Variants in RNF150 observed in about 807,000 individuals in gnomAD.
RNF150 encodes ring finger protein 150.
Under a neutral mutation model 39.3 loss-of-function variants are expected in RNF150, and 24 were observed. The observed-to-expected ratio is 0.61, with a 90% CI of 0.44 to 0.86. The LOEUF (loss-of-function observed/expected upper bound fraction) is 0.86, where lower values mean the gene tolerates loss of function less well. RNF150 is among the 40% of genes least tolerant of loss of function. RNF150 has a pLI of 0.00. For missense variants in RNF150, 502 were observed against 587.8 expected (o/e 0.85, Z 1.51); for synonymous variants, 255 against 227.3 (o/e 1.12, Z -1.10).
At chr4:141,170,799 A>G (rs1203152203) in intron 1 of RNF150, among the ~76,000 whole-genome samples, 1 of 152,212 alleles carries the variant, frequency 6.6e-6, no homozygotes, top group East Asian at 1.9e-4. Flanking sequence ...GTTCCAGAGA[A>G]TAATTGAACA....
At chr4:140,900,835 T>C (rs976979732) in intron 6 of RNF150, among the ~76,000 whole-genome samples, 3 of 142,162 alleles carry the variant, frequency 2.1e-5, no homozygotes, top group Non-Finnish European at 3.1e-5. Flanking sequence ...TATATATATA[T>C]ACATATCGAT....
At chr4:141,101,698 CAT>C (rs1739017035) in intron 1 of RNF150, among the ~76,000 whole-genome samples, 1 of 152,278 alleles carries the variant, frequency 6.6e-6, no homozygotes, top group South Asian at 2.1e-4. Context: ...ACTACAAACA[CAT>C]GAGTAATGTG....
intron 1 of RNF150, among the ~76,000 whole-genome samples, chr4:141,177,533 G>A (rs75171164): frequency 0.011 from 1,712 of 151,678 alleles, 38 homozygotes; most frequent in African/African-American, 0.038. Flanking sequence ...TTAATATCAA[G>A]CCTGAAACTA....
chr4:141,117,489 A>C (rs1201551274), intron 1 of RNF150, among the ~76,000 whole-genome samples: 1 of 152,190 alleles, frequency 6.6e-6, no homozygotes, highest in East Asian at 1.9e-4. Flanking sequence ...TACATCCTAG[A>C]TGTGCAACAG....
At chr4:140,952,101 C>G (rs1234599440) in intron 2 of RNF150, among the ~76,000 whole-genome samples, 1 of 152,026 alleles carries the variant, frequency 6.6e-6, no homozygotes, top group African/African-American at 2.4e-5. Flanking sequence ...CCTCTGCCTC[C>G]CAGGTTCAAG....
At chr4:140,931,371 T>A (rs1268176440) in intron 4 of RNF150, among the ~76,000 whole-genome samples, 1 of 152,192 alleles carries the variant, frequency 6.6e-6, no homozygotes, top group African/African-American at 2.4e-5. Flanking sequence ...TAATTCACAA[T>A]CATTTCTTTT....
At chr4:141,116,115 T>C (rs1302562372) in intron 1 of RNF150, among the ~76,000 whole-genome samples, 2 of 152,088 alleles carry the variant, frequency 1.3e-5, no homozygotes, top group South Asian at 2.1e-4. Flanking sequence ...CCAAAAGCAA[T>C]GGCAACAAAA....
intron 1 of RNF150, among the ~76,000 whole-genome samples, chr4:141,057,108 G>A (rs1207355738): frequency 6.6e-6 from 1 of 151,954 alleles, no homozygotes; most frequent in African/African-American, 2.4e-5. Flanking sequence ...AACTTGTGAA[G>A]CATAAACTGG....
intron 1 of RNF150, among the ~76,000 whole-genome samples, chr4:141,083,366 T>G (rs1738235289): frequency 6.6e-6 from 1 of 152,348 alleles, no homozygotes; most frequent in African/African-American, 2.4e-5. Context: ...GGAAATTCTT[T>G]AGGCTCAACA....
chr4:141,111,535 C>T (rs976087715), intron 1 of RNF150, among the ~76,000 whole-genome samples: 1 of 152,008 alleles, frequency 6.6e-6, no homozygotes, highest in African/African-American at 2.4e-5. Flanking sequence ...CACTTGTGTT[C>T]AGAGGAAAAA....
At chr4:140,984,638 C>T (rs1240403837) in intron 1 of RNF150, among the ~76,000 whole-genome samples, 1 of 152,106 alleles carries the variant, frequency 6.6e-6, no homozygotes, top group Non-Finnish European at 1.5e-5. Context: ...CATTTTAGTG[C>T]ACATTGTCTT....
At chr4:141,155,767 T>G (rs902150138) in intron 1 of RNF150, among the ~76,000 whole-genome samples, 1 of 152,114 alleles carries the variant, frequency 6.6e-6, no homozygotes, top group Non-Finnish European at 1.5e-5. Flanking sequence ...GAGTCCATGG[T>G]GCGTGGTCTC....
intron 2 of RNF150, among the ~76,000 whole-genome samples, chr4:140,958,432 C>G (rs1207792338): frequency 6.6e-6 from 1 of 152,100 alleles, no homozygotes; most frequent in Non-Finnish European, 1.5e-5. Flanking sequence ...GTCTCTGCAC[C>G]TCAATGCCAT....
chr4:141,067,984 C>CT (rs1370830350), intron 1 of RNF150, among the ~76,000 whole-genome samples: 1 of 150,996 alleles, frequency 6.6e-6, no homozygotes, highest in African/African-American at 2.4e-5. Context: ...GTCACTCAGT[C>CT]ACCCAGGCTG....
At chr4:140,962,635 T>C (rs970538930) in intron 2 of RNF150, among the ~76,000 whole-genome samples, 7 of 151,848 alleles carry the variant, frequency 4.6e-5, no homozygotes, top group African/African-American at 1.4e-4. Context: ...AGTGGCAAAA[T>C]TGAATTTGTA....
intron 1 of RNF150, among the ~76,000 whole-genome samples, chr4:141,027,912 GTTTTTTTTTTTTTGTTTTTTTTTTTT>G (rs1166461667): frequency 3.7e-5 from 1 of 27,102 alleles, no homozygotes; most frequent in Non-Finnish European, 8.6e-5. Flanking sequence ...CTTGGAATTT[GTTTTTTTTTTTTTGTTTTTTTTTTTT>G]TTTTTTTTTT....
chr4:141,187,019 C>T (rs1728024833), intron 1 of RNF150, among the ~76,000 whole-genome samples: 2 of 152,196 alleles, frequency 1.3e-5, no homozygotes, highest in Admixed American at 1.3e-4. Context: ...GGAAACACTG[C>T]TTTAGCTGTA....
intron 1 of RNF150, among the ~76,000 whole-genome samples, chr4:141,010,794 A>G (rs1735048448): frequency 6.6e-6 from 1 of 152,140 alleles, no homozygotes; most frequent in Non-Finnish European, 1.5e-5. Flanking sequence ...GGACCCAGGG[A>G]GGAGGCTGCC....
At chr4:141,097,051 C>T (rs1738814782) in intron 1 of RNF150, among the ~76,000 whole-genome samples, 1 of 152,234 alleles carries the variant, frequency 6.6e-6, no homozygotes, top group Non-Finnish European at 1.5e-5. Flanking sequence ...GAAAAATGAT[C>T]ATCCAATTAA....
Sources: allele counts gnomAD v4.1 joint callset (sites outside exome capture counted in the v4.1 genomes callset), GRCh38; gene constraint gnomAD v4.1.1; transcripts MANE v1.5; gene names NCBI Gene and HGNC (gene_info 2026-07-23, HGNC 2026-07-21).